Variants in HAVCR2 observed in about 807,000 individuals in gnomAD.
HAVCR2 encodes the protein T cell immunoglobulin mucin 3.
In HAVCR2, 13 loss-of-function variants were observed where a neutral mutation model predicts 24.7. The ratio of observed to expected loss-of-function variants is 0.53; its 90% CI spans 0.34 to 0.84. HAVCR2 has a LOEUF of 0.84. Among genes scored for constraint, HAVCR2 ranks in the 40% least tolerant of loss-of-function variants. The pLI is 0.01. For missense variants in HAVCR2, 343 were observed against 371.2 expected, an observed-to-expected ratio of 0.92 and a Z score of 0.62; for synonymous variants, 154 against 143.4, an observed-to-expected ratio of 1.07 and a Z score of -0.53.
chr5:157,088,578 G>C (rs1414318757), intron 6 of HAVCR2, among the ~76,000 whole-genome samples: 2 of 152,178 alleles, frequency 1.3e-5, no homozygotes, highest in African/African-American at 2.4e-5. Flanking sequence ...AACAGATACT[G>C]GGTTTCTTGC....
rs1223358372 is a variant in HAVCR2, at chr5:157,086,644, T to G, written c.*458A>C. 1 of 157,022 alleles carries G rather than the reference T, an allele frequency of 6.4e-6. No individual in the cohort carries two copies. The highest frequency in any genetic ancestry group is 1.4e-5 in the Non-Finnish European group (1 of 71,698). The allele number at this position is 157,022 out of a possible 1,614,324, so 9.7% of individuals were successfully genotyped here. On this transcript the variant is annotated 3_prime_UTR_variant, in exon 7 of 7. Coordinates refer to ENST00000307851, the MANE Select transcript of HAVCR2 (RefSeq NM_032782.5). ...GCCTGGGCAACAGAGCAAGACTCCA[T>G]CTCAAAAACAAAAAACAAAAAGGGA...
intron 5 of HAVCR2, among the ~76,000 whole-genome samples, chr5:157,089,643 T>C (rs1353841916): frequency 6.6e-6 from 1 of 151,818 alleles, no homozygotes; most frequent in Non-Finnish European, 1.5e-5. Context: ...AAACAGATAA[T>C]AGAGAGGGTG....
intron 5 of HAVCR2, 58 bp from the exon 6 acceptor site, chr5:157,089,035 A>G: frequency 4.7e-6 from 7 of 1,477,410 alleles, no homozygotes; most frequent in Non-Finnish European, 6.5e-6. Context: ...ATGAGACAAG[A>G]AATCAAATAG....
chr5:157,090,796 A>G (rs1457559721), intron 5 of HAVCR2, among the ~76,000 whole-genome samples: 1 of 152,218 alleles, frequency 6.6e-6, no homozygotes, highest in East Asian at 1.9e-4. Flanking sequence ...ATGCAGAATA[A>G]TGAAAACACT....
At chr5:157,095,540 C>A (rs998290330) in intron 4 of HAVCR2, 81 bp from the exon 5 acceptor site, 124 of 1,494,828 alleles carry the variant, frequency 8.3e-5, no homozygotes, top group Non-Finnish European at 1.1e-4. Flanking sequence ...GTGAATTGGA[C>A]CATCCCTTTT....
intron 3 of HAVCR2, among the ~76,000 whole-genome samples, chr5:157,100,238 G>A (rs150338963): frequency 6.6e-6 from 1 of 152,286 alleles, no homozygotes; most frequent in East Asian, 1.9e-4. Flanking sequence ...TTAGGGAAGT[G>A]AAGTGACTAA....
At position 157,106,930 on chromosome 5, in the gene HAVCR2, C is replaced by T. The variant is rs752806981; in HGVS notation, c.91G>A (p.Gly31Ser). The T allele has an allele frequency of 2.5e-5, 41 of 1,613,786 alleles. No homozygotes were observed. The highest frequency in any genetic ancestry group is 4.5e-5 in the East Asian group (2 of 44,898). ...AAGCAGGGCAGATAGGCATTCTGAC[C>T]GACCTCCGCTCTGTATTCCACTTCT... ...SSEVEYRAEV[G>S]QNAYLPCFYT... Residue 31 changes from glycine to serine, a missense_variant, in exon 2 of 7, where the codon GGT becomes AGT. Physicochemically the swap from Gly to Ser is moderately conservative, Grantham distance 56 (BLOSUM62 0). Coordinates refer to ENST00000307851, the MANE Select transcript of HAVCR2 (RefSeq NM_032782.5).
chr5:157,105,896 TA>T (rs144967549), intron 2 of HAVCR2, among the ~76,000 whole-genome samples: 3,244 of 152,228 alleles, frequency 0.021, 56 homozygotes, highest in African/African-American at 0.048. Flanking sequence ...TTTTAAGAGA[TA>T]GGGGTAGCCA....
At chr5:157,087,852 G>A (rs112960045) in intron 6 of HAVCR2, among the ~76,000 whole-genome samples, 5,821 of 150,334 alleles carry the variant, frequency 0.039, 278 homozygotes, top group African/African-American at 0.12. Flanking sequence ...ATAGTGAGCC[G>A]AGGTTGTGCC....
rs893568199 is a variant in HAVCR2 at position 157,086,790 on chromosome 5, C to T, written c.*312G>A. 63 of 270,676 alleles carry T rather than the reference C, an allele frequency of 2.3e-4. No individual in the cohort carries two copies. The highest frequency in any genetic ancestry group is 1.2e-3 in the African/African-American group (55 of 44,486). 16.8% of individuals were successfully genotyped at this position (270,676 alleles called of 1,614,324 possible). The stretch of plus-strand genomic sequence containing the variant: ...GAAGTTTCATGGACATATGATGTGC[C>T]CGAATTTCCTGGAGCTCCAGAGACC... On this transcript the variant is annotated 3_prime_UTR_variant, in exon 7 of 7. Transcript: ENST00000307851.
intron 4 of HAVCR2, among the ~76,000 whole-genome samples, chr5:157,096,229 CAAAAAAAAA>C (rs386405404): frequency 2.2e-5 from 2 of 90,708 alleles, no homozygotes; most frequent in Admixed American, 1.4e-4. Context: ...GACTCCATCT[CAAAAAAAAA>C]AAAAAAAAAA....
Position 157,104,706 on chromosome 5 carries a change from T to C in HAVCR2, c.438A>G (p.Ala146=), listed in dbSNP as rs1757220779. The change falls in exon 3 of 7, where the codon GCA becomes GCG. Residue 146 remains alanine (A), a synonymous_variant. Transcript: ENST00000307851. The stretch of plus-strand genomic sequence containing the variant: ...TGGTGGTAAGCATCCTTGGAAAGGC[T>C]GCAGTGAAGTCTCTCTGCCGAGTCG... ...PAPTRQRDFT[A]AFPRMLTTRG... 1.2e-6 allele frequency: 2 copies of C among 1,605,362 alleles called. No homozygotes were observed. The highest frequency in any genetic ancestry group is 4.5e-5 in the East Asian group (2 of 44,814).
intron 3 of HAVCR2, among the ~76,000 whole-genome samples, chr5:157,100,881 A>G (rs1295054840): frequency 6.6e-6 from 1 of 152,280 alleles, no homozygotes; most frequent in Non-Finnish European, 1.5e-5. Flanking sequence ...GCAGATCACG[A>G]GGTCAGGAGA....
rs1477201578 is a variant in HAVCR2 at position 157,089,550 on chromosome 5, C to A, written c.677-573G>T. ...AAACTCCGTCTCAAAAAAAAAAAAA[C>A]AACAACAAAAAGGAAATAGTAAATA... On this transcript the variant is annotated intron_variant, in intron 5 of 6. Coordinates refer to ENST00000307851, the MANE Select transcript of HAVCR2 (RefSeq NM_032782.5). Among the ~76,000 whole-genome samples, 181 of 144,114 alleles carry A rather than the reference C, an allele frequency of 1.3e-3. 2 individuals carry two copies. The highest frequency in any genetic ancestry group is 3.7e-3 in the African/African-American group (147 of 40,194). The allele number at this position is 144,114 out of a possible 152,430, so 94.5% of individuals were successfully genotyped here.
chr5:157,089,740 T>C (rs13167128), intron 5 of HAVCR2, among the ~76,000 whole-genome samples: 5,873 of 152,142 alleles, frequency 0.039, 280 homozygotes, highest in African/African-American at 0.11. Flanking sequence ...CATTCCAGGA[T>C]GAGGGAGCCC....
chr5:157,106,661 A>G lies in HAVCR2; in HGVS notation c.360T>C (p.Asp120=). The change falls in exon 2 of 7, where the codon GAT becomes GAC. Residue 120 remains aspartate (D), a synonymous_variant. Coordinates refer to ENST00000307851, the MANE Select transcript of HAVCR2 (RefSeq NM_032782.5). Reference sequence around the variant, plus strand: ...TGACCAACTTCAGGTTAAATTTTTCATCATTCATTATGCCTGGGATTTGGA... The same window carrying G: ...TGACCAACTTCAGGTTAAATTTTTCGTCATTCATTATGCCTGGGATTTGGA... ...CRIQIPGIMN[D]EKFNLKLVIK... The G allele has an allele frequency of 6.2e-7, 1 of 1,614,196 alleles. No individual in the cohort carries two copies. The highest frequency in any genetic ancestry group is 2.2e-5 in the East Asian group (1 of 44,890).
rs772172803 is a variant in HAVCR2 at position 157,106,632 on chromosome 5, T to C, written c.389A>G (p.Lys130Arg). 3 of 1,613,574 alleles carry C rather than the reference T, an allele frequency of 1.9e-6. No individual in the cohort carries two copies. The highest frequency in any genetic ancestry group is 2.5e-6 in the Non-Finnish European group (3 of 1,179,458). The change falls in exon 2 of 7, where the codon AAA becomes AGA. Residue 130 changes from lysine to arginine, a missense_variant. Physicochemically the swap from Lys to Arg is conservative, Grantham distance 26. Coordinates refer to ENST00000307851, the MANE Select transcript of HAVCR2 (RefSeq NM_032782.5). ...DEKFNLKLVI[K>R]PAKVTPAPTR... ...GCATGCAAATGTCCACTCACCTGGT[T>C]TGATGACCAACTTCAGGTTAAATTT...
Position 157,087,350 on chromosome 5 carries a change from G to C in HAVCR2, c.714-56C>G, listed in dbSNP as rs564299260. The C allele has an allele frequency of 1.6e-4, 233 of 1,454,570 alleles. No homozygotes were observed. The South Asian group carries it at 2.7e-3, about 17-fold the overall frequency. The allele number at this position is 1,454,570 out of a possible 1,614,324, so 90.1% of individuals were successfully genotyped here. ...AGCATTTCCCAGGTAACACGGAATA[G>C]AGTTAAGAGAATAGGCTTTCCCAAA... is the stretch of plus-strand genomic sequence containing the variant. On this transcript the variant is annotated intron_variant, in intron 6 of 6. Coordinates refer to ENST00000307851, the MANE Select transcript of HAVCR2 (RefSeq NM_032782.5).
intron 5 of HAVCR2, among the ~76,000 whole-genome samples, chr5:157,092,895 A>AT (rs1255080487): frequency 2.5e-5 from 2 of 81,504 alleles, no homozygotes; most frequent in African/African-American, 9.4e-5. Flanking sequence ...AAAAAAAAAA[A>AT]AAAAAAAAAA....
Sources: gnomAD v4.1 joint callset for allele counts (sites outside exome capture counted in the v4.1 genomes callset) on GRCh38, gnomAD v4.1.1 for gene constraint, MANE v1.5 for transcripts, NCBI Gene and HGNC (gene_info 2026-07-23, HGNC 2026-07-21) for gene names.